Variants in FCGR2B observed in about 807,000 individuals in gnomAD.
FCGR2B encodes Fc gamma receptor IIb.
In FCGR2B, 18 loss-of-function variants were observed where a neutral mutation model predicts 24.8. The ratio of observed to expected loss-of-function variants is 0.73; its 90% CI spans 0.50 to 1.08. FCGR2B has a LOEUF of 1.08. Among genes scored for constraint, FCGR2B ranks in the 50% least tolerant of loss-of-function variants. The probability of loss-of-function intolerance (pLI) is 0.00; values close to 1 mark genes in which losing one functional copy is unlikely to be tolerated. For missense variants in FCGR2B, 215 were observed against 297.6 expected (o/e 0.72, Z 2.04); for synonymous variants, 79 against 109.8 (o/e 0.72, Z 1.75).
At chr1:161,672,930 G>A (rs1165365091) in intron 3 of FCGR2B, 45 bp from the exon 4 acceptor site, 3 of 1,611,394 alleles carry the variant, frequency 1.9e-6, no homozygotes, top group African/African-American at 2.7e-5. Context: ...TCTCAGAGCT[G>A]AGCCAAGACC....
intron 4 of FCGR2B, 155 bp from the exon 5 acceptor site, chr1:161,673,805 C>A (rs1681903997): frequency 4.3e-6 from 2 of 467,216 alleles, no homozygotes; most frequent in South Asian, 5.1e-5. Flanking sequence ...CCACAGAAAC[C>A]CTGTGCAGAT....
At chr1:161,661,210 GAAAGAA>G (rs1238434989), upstream of FCGR2B, among the ~76,000 whole-genome samples, 1 of 78,640 alleles carries the variant, frequency 1.3e-5, no homozygotes, top group African/African-American at 5.7e-5. Flanking sequence ...AAGAAAGAAA[GAAAGAA>G]AGAAAGAAAG....
intron 6 of FCGR2B, chr1:161,676,113 A>G (rs1253046482): frequency 4.3e-6 from 1 of 230,222 alleles, no homozygotes; most frequent in Non-Finnish European, 8.6e-6. Flanking sequence ...TTCCAGGAGG[A>G]TGCCAGGCAA....
intron 3 of FCGR2B, 174 bp downstream of exon 3, chr1:161,671,823 A>C: frequency 1.5e-6 from 2 of 1,325,902 alleles, no homozygotes; most frequent in Non-Finnish European, 2.0e-6. Flanking sequence ...GAACAGAAGA[A>C]GGTTTCAAGG....
At chr1:161,652,514 C>A in the FCGR2B span, among the ~76,000 whole-genome samples, 20,829 of 132,796 alleles carry the variant, frequency 0.16, 1,586 homozygotes, top group African/African-American at 0.24. Flanking sequence ...TGTTGTCTAC[C>A]TTTTCCACTA....
At chr1:161,667,558 T>C (rs1681366688) in intron 1 of FCGR2B, among the ~76,000 whole-genome samples, 1 of 95,906 alleles carries the variant, frequency 1.0e-5, no homozygotes, top group Non-Finnish European at 2.2e-5. Flanking sequence ...TGATGCCTCA[T>C]TGAATTCAAG....
At chr1:161,672,798 C>G in intron 3 of FCGR2B, 177 bp from the exon 4 acceptor site, 1 of 1,048,152 alleles carries the variant, frequency 9.5e-7, no homozygotes, top group Non-Finnish European at 1.4e-6. Flanking sequence ...GCTCAGAAGA[C>G]TTAAATTATT....
At chr1:161,671,322 C>CT in intron 2 of FCGR2B, 70 bp from the exon 3 acceptor site, 2 of 1,610,240 alleles carry the variant, frequency 1.2e-6, no homozygotes, top group Non-Finnish European at 1.7e-6. Context: ...GCTTTTTTGT[C>CT]TGAGATTCAG....
At chr1:161,654,495 G>A in the FCGR2B span, among the ~76,000 whole-genome samples, 2 of 135,496 alleles carry the variant, frequency 1.5e-5, no homozygotes, top group Non-Finnish European at 3.4e-5. Context: ...ATTCAGGTGG[G>A]CTTCATGCCT....
At chr1:161,675,023 TG>T in intron 5 of FCGR2B, 2 of 504,864 alleles carry the variant, frequency 4.0e-6, no homozygotes, top group South Asian at 6.5e-5. Context: ...TGCCATGGCG[TG>T]GACTTTCTGA....
the FCGR2B span, among the ~76,000 whole-genome samples, chr1:161,650,039 A>T: frequency 0.01 from 1,513 of 148,688 alleles, 27 homozygotes; most frequent in Non-Finnish European, 0.017. Flanking sequence ...ACAGAGTCTC[A>T]CTCTGTTGCC....
Position 161,677,729 on chromosome 1 carries a change from A to C in FCGR2B, c.*176A>C. ...CTCCCTGTCCTGAAAGCCACAGACA[A>C]TATGGTCCCAAATAACCGACTGCAC... On this transcript the variant is annotated 3_prime_UTR_variant, in exon 8 of 8. Transcript: ENST00000358671. 1 of 586,392 alleles carries C rather than the reference A, an allele frequency of 1.7e-6. No homozygotes were observed. The highest frequency in any genetic ancestry group is 3.3e-5 in the Admixed American group (1 of 30,588). The allele number at this position is 586,392 out of a possible 1,614,324, so 36.3% of individuals were successfully genotyped here.
rs527419818 is a variant in FCGR2B, at chr1:161,675,358, C to G, written c.817+45C>G. ...GGGATTCAGTGATGGCTCACCAGGGCTGCCGGCTGGACTGGAGCCAGGGAG... is the reference window on the plus strand; with the variant it reads ...GGGATTCAGTGATGGCTCACCAGGGGTGCCGGCTGGACTGGAGCCAGGGAG... On this transcript the variant is annotated intron_variant, in intron 6 of 7. Transcript: ENST00000358671. The G allele has an allele frequency of 8.6e-6, 12 of 1,389,964 alleles. No individual in the cohort carries two copies. The Admixed American group carries it at 1.3e-4, about 15-fold the overall frequency. 86.1% of individuals were successfully genotyped at this position (1,389,964 alleles called of 1,614,324 possible). A position where few individuals can be genotyped will look rare whatever the true frequency, so the allele number is the denominator to read the frequency against.
rs1681794724 is a variant in FCGR2B at position 161,672,882 on chromosome 1, C to A, written c.392-93C>A. 3.2e-6 allele frequency: 5 copies of A among 1,552,700 alleles called. No individual in the cohort carries two copies. The South Asian group carries it at 6.1e-5, about 19-fold the overall frequency. ...TCTGATTTCAGACCTAAGCTGTTCC[C>A]TCTGCACATCGTGTCCCACCAGTAA... On this transcript the variant is annotated intron_variant, in intron 3 of 7. Transcript: ENST00000358671.
In FCGR2B at chr1:161,677,930, G is replaced by T; in HGVS notation, c.*377G>T. 1 of 248,714 alleles carries T rather than the reference G, an allele frequency of 4.0e-6. No homozygotes were observed. Among genetic ancestry groups the T allele is most frequent in the Non-Finnish European group, 7.7e-6 (1 of 129,568 alleles). 15.4% of individuals were successfully genotyped at this position (248,714 alleles called of 1,614,324 possible). A position where few individuals can be genotyped will look rare whatever the true frequency, so the allele number is the denominator to read the frequency against. ...ATATGATTTCAGAAATGTTAAAATA[G>T]ACTAACCTCTACCAGCACATTAAAA... On this transcript the variant is annotated 3_prime_UTR_variant, in exon 8 of 8. Transcript: ENST00000358671.
At chr1:161,652,113 T>C in the FCGR2B span, among the ~76,000 whole-genome samples, 7 of 129,434 alleles carry the variant, frequency 5.4e-5, 1 homozygote, top group East Asian at 1.4e-3. Flanking sequence ...TATGCTTCTT[T>C]GTCCTTCTTG....
In FCGR2B at chr1:161,677,536, G is replaced by C. The variant is rs1184181695; in HGVS notation, c.916G>C (p.Asp306His). The C allele has an allele frequency of 6.2e-7, 1 of 1,612,674 alleles. No homozygotes were observed. The highest frequency in any genetic ancestry group is 2.2e-5 in the East Asian group (1 of 44,874). The change falls in exon 8 of 8, where the codon GAC (aspartate) becomes CAC (histidine). Residue 306 changes from aspartate to histidine, a missense_variant. Asp to His is a moderately conservative substitution (Grantham distance 81, BLOSUM62 -1). Transcript: ENST00000358671. ...MHPDALEEPD[D>H]QNRI ...CCCGGATGCTCTGGAAGAGCCTGAT[G>C]ACCAGAACCGTATTTAGTCTCCATT...
chr1:161,656,211 T>A, the FCGR2B span, among the ~76,000 whole-genome samples: 1 of 147,008 alleles, frequency 6.8e-6, no homozygotes, highest in East Asian at 1.9e-4. Flanking sequence ...ACAGGATAGG[T>A]TTGTATTGTT....
At position 161,671,437 on chromosome 1, in the gene FCGR2B, A is replaced by T; in HGVS notation, c.179A>T (p.Asn60Ile). The T allele has an allele frequency of 6.2e-7, 1 of 1,614,218 alleles. No individual in the cohort carries two copies. The highest frequency in any genetic ancestry group is 8.5e-7 in the Non-Finnish European group (1 of 1,180,042). The change falls in exon 3 of 8, where the codon AAC (asparagine) becomes ATC (isoleucine). Residue 60 changes from asparagine (N) to isoleucine (I), a missense_variant. This residue lies in a region of FCGR2B where 77 missense variants were observed against 68.8 expected (regional missense o/e 1.12). Coordinates refer to ENST00000358671, the MANE Select transcript of FCGR2B (RefSeq NM_001394477.1). ...AVLKLEPQWINVLQEDSVTLT... is the reference protein window; with the variant it reads ...AVLKLEPQWIIVLQEDSVTLT... ...CTGAAACTCGAGCCCCAGTGGATCAACGTGCTCCAGGAGGACTCTGTGACT... is the reference window on the plus strand; with the variant it reads ...CTGAAACTCGAGCCCCAGTGGATCATCGTGCTCCAGGAGGACTCTGTGACT...
Sources: allele counts gnomAD v4.1 joint callset (sites outside exome capture counted in the v4.1 genomes callset), GRCh38; gene constraint gnomAD v4.1.1; regional missense constraint gnomAD v4.1.1; transcripts MANE v1.5; gene names NCBI Gene and HGNC (gene_info 2026-07-23, HGNC 2026-07-21).